The following EPHA3 variants were observed in gnomAD, a reference collection of about 807,000 sequenced individuals.
The protein encoded by EPHA3 is EPH receptor A3.
In EPHA3, 42 loss-of-function variants were observed where a neutral mutation model predicts 107.1. That is an observed-to-expected ratio of 0.39 (90% CI 0.31 to 0.51). EPHA3 has a LOEUF of 0.51. Ranked by LOEUF, EPHA3 falls within the 20% of genes least tolerant of loss-of-function variation. EPHA3 has a pLI of 0.78. For missense variants in EPHA3, 1,183 were observed against 1,211.2 expected (o/e 0.98, Z 0.35); for synonymous variants, 461 against 424.8 (o/e 1.09, Z -1.05).
At chr3:89,159,144 A>G (rs1021806646) in intron 2 of EPHA3, among the ~76,000 whole-genome samples, 13 of 152,098 alleles carry the variant, frequency 8.5e-5, no homozygotes, top group Non-Finnish European at 1.3e-4. Context: ...CATTAAGTCA[A>G]TATTTATCAA....
rs75547314 is a variant in EPHA3 at position 89,328,891 on chromosome 3, T to C, written c.815-12025T>C. Reference sequence around the variant, plus strand: ...GTATGAACTGTTCTCTCCAGGTACATCGTTCTGGAAAAGGTGATGTAAACA... The same window carrying C: ...GTATGAACTGTTCTCTCCAGGTACACCGTTCTGGAAAAGGTGATGTAAACA... On this transcript the variant is annotated intron_variant, in intron 3 of 16. Coordinates refer to ENST00000336596, the MANE Select transcript of EPHA3 (RefSeq NM_005233.6). Among the ~76,000 whole-genome samples, 8 of 152,088 alleles carry C rather than the reference T, an allele frequency of 5.3e-5. 1 individual carries two copies. The highest frequency in any genetic ancestry group is 1.7e-4 in the African/African-American group (7 of 41,544).
intron 3 of EPHA3, among the ~76,000 whole-genome samples, chr3:89,237,723 T>G (rs1452375844): frequency 1.3e-5 from 2 of 152,100 alleles, no homozygotes; most frequent in Non-Finnish European, 2.9e-5. Context: ...TCCAGCTCTT[T>G]TGGAGGCCAA....
At chr3:89,187,276 GTATT>G (rs1314850190) in intron 2 of EPHA3, among the ~76,000 whole-genome samples, 3 of 148,846 alleles carry the variant, frequency 2.0e-5, no homozygotes, top group Non-Finnish European at 4.5e-5. Flanking sequence ...ATTTATGAAT[GTATT>G]TAATATATGA....
At chr3:89,324,504 T>A (rs1392728600) in intron 3 of EPHA3, among the ~76,000 whole-genome samples, 2 of 151,740 alleles carry the variant, frequency 1.3e-5, no homozygotes, top group African/African-American at 2.4e-5. Flanking sequence ...TTTTTTATTT[T>A]TTTTATTTTT....
At chr3:89,452,498 A>G (rs1201467524) in intron 15 of EPHA3, among the ~76,000 whole-genome samples, 1 of 152,168 alleles carries the variant, frequency 6.6e-6, no homozygotes, top group Non-Finnish European at 1.5e-5. Context: ...TGTCTTCCTC[A>G]GAAAAAAATG....
At chr3:89,117,468 A>G (rs1364846002) in intron 1 of EPHA3, among the ~76,000 whole-genome samples, 1 of 152,106 alleles carries the variant, frequency 6.6e-6, no homozygotes, top group Non-Finnish European at 1.5e-5. Flanking sequence ...CTTTCATTGC[A>G]TCTGATGGCA....
At chr3:89,254,367 C>G (rs1705229205) in intron 3 of EPHA3, among the ~76,000 whole-genome samples, 2 of 152,140 alleles carry the variant, frequency 1.3e-5, no homozygotes, top group South Asian at 4.1e-4. Context: ...GATACATTTA[C>G]TCTGAATAAT....
intron 5 of EPHA3, among the ~76,000 whole-genome samples, chr3:89,377,541 G>A (rs1708424845): frequency 6.6e-6 from 1 of 152,084 alleles, no homozygotes; most frequent in South Asian, 2.1e-4. Context: ...AAAACCAACT[G>A]TGAACCACTC....
chr3:89,351,963 C>A lies in EPHA3; in HGVS notation c.1306+9873C>A, dbSNP rs1323877019. On this transcript the variant is annotated intron_variant, in intron 5 of 16. Coordinates refer to ENST00000336596, the MANE Select transcript of EPHA3 (RefSeq NM_005233.6). ...AAAAGTGGAGAAGGAAGAAGACCAACACTTATTGATAGGACTTTCCAGGTG... is the reference window on the plus strand; with the variant it reads ...AAAAGTGGAGAAGGAAGAAGACCAAAACTTATTGATAGGACTTTCCAGGTG... Among the ~76,000 whole-genome samples, 15 of 145,886 alleles carry A rather than the reference C, an allele frequency of 1.0e-4. 2 individuals carry two copies. Among genetic ancestry groups the A allele is most frequent in the Admixed American group, 8.2e-4 (12 of 14,580 alleles).
At chr3:89,164,808 G>A (rs1239165849) in intron 2 of EPHA3, among the ~76,000 whole-genome samples, 2 of 152,138 alleles carry the variant, frequency 1.3e-5, no homozygotes, top group Non-Finnish European at 2.9e-5. Context: ...ACACCCTGCA[G>A]AATAGTCACA....
intron 3 of EPHA3, among the ~76,000 whole-genome samples, chr3:89,268,115 G>C (rs1468072794): frequency 1.3e-5 from 2 of 152,130 alleles, no homozygotes; most frequent in Non-Finnish European, 2.9e-5. Flanking sequence ...TTAATTACTT[G>C]TGGTAGGTTG....
Position 89,210,343 on chromosome 3 carries a change from C to T in EPHA3, c.637C>T (p.Pro213Ser), listed in dbSNP as rs1293200426. 1.2e-6 allele frequency: 2 copies of T among 1,613,576 alleles called. No homozygotes were observed. The highest frequency in any genetic ancestry group is 1.7e-5 in the Admixed American group (1 of 59,948). The change falls in exon 3 of 17, where the codon CCA (proline) becomes TCA (serine). Residue 213 changes from proline to serine, a missense_variant. Physicochemically the swap from Pro to Ser is moderately conservative, Grantham distance 74. Transcript: ENST00000336596. ...TACAGTGAAGAATCTGGCTATGTTT[C>T]CAGACACGGTACCCATGGACTCCCA... The part of the protein sequence containing the change: ...PFTVKNLAMF[P>S]DTVPMDSQSL...
Position 89,423,118 on chromosome 3 carries a change from G to C in EPHA3, c.2074+3728G>C, listed in dbSNP as rs142784543. Among the ~76,000 whole-genome samples, 1,475 of 151,500 alleles carry C rather than the reference G, an allele frequency of 9.7e-3. 27 individuals carry two copies. The highest frequency in any genetic ancestry group is 0.034 in the African/African-American group (1,411 of 41,450). ...CCTTCCATTGGCCACTTTTCACCTA[G>C]CGAAATAGAAGGAATTATATTGGAT... On this transcript the variant is annotated intron_variant, in intron 11 of 16. Coordinates refer to ENST00000336596, the MANE Select transcript of EPHA3 (RefSeq NM_005233.6).
chr3:89,297,916 T>A (rs12492546), intron 3 of EPHA3, among the ~76,000 whole-genome samples: 10,396 of 152,076 alleles, frequency 0.068, 473 homozygotes, highest in Middle Eastern at 0.14. Context: ...ATGCCTGTAA[T>A]CCCGGCTACT....
At chr3:89,118,216 T>G (rs139653571) in intron 1 of EPHA3, among the ~76,000 whole-genome samples, 1,914 of 152,130 alleles carry the variant, frequency 0.013, 40 homozygotes, top group African/African-American at 0.04. Flanking sequence ...TGATTGTCCT[T>G]GTTCTCTGAA....
intron 1 of EPHA3, among the ~76,000 whole-genome samples, chr3:89,111,038 C>G (rs1227511911): frequency 2.0e-5 from 3 of 151,818 alleles, no homozygotes; most frequent in Non-Finnish European, 4.4e-5. Context: ...CAAAATAAAA[C>G]TGAATAAAAT....
chr3:89,201,434 T>C (rs1705966831), intron 2 of EPHA3, among the ~76,000 whole-genome samples: 1 of 152,196 alleles, frequency 6.6e-6, no homozygotes, highest in Non-Finnish European at 1.5e-5. Flanking sequence ...AAATCTGTCA[T>C]GTGTACAATA....
At position 89,144,734 on chromosome 3, in the gene EPHA3, G is replaced by A. The variant is rs139911727; in HGVS notation, c.153+17461G>A. Among the ~76,000 whole-genome samples, 705 of 151,694 alleles carry A rather than the reference G, an allele frequency of 4.6e-3. 11 individuals carry two copies. Among genetic ancestry groups the A allele is most frequent in the African/African-American group, 0.016 (663 of 41,438 alleles). ...GCTCCTCGTTTCCAAACACTCTGTG[G>A]TTGTGTTTTGTTTTGGTTTGATTCT... On this transcript the variant is annotated intron_variant, in intron 2 of 16. Transcript: ENST00000336596.
chr3:89,185,426 T>G (rs9883681), intron 2 of EPHA3, among the ~76,000 whole-genome samples: 33,928 of 151,860 alleles, frequency 0.22, 3,927 homozygotes, highest in Middle Eastern at 0.33. Context: ...ATTAATATAT[T>G]TAGTAGTTGA....
Sources: allele counts gnomAD v4.1 joint callset (sites outside exome capture counted in the v4.1 genomes callset), GRCh38; gene constraint gnomAD v4.1.1; transcripts MANE v1.5; gene names NCBI Gene and HGNC (gene_info 2026-07-23, HGNC 2026-07-21).